Variants in ACAP3 observed in about 807,000 individuals in gnomAD.
ACAP3 encodes arf-GAP with coiled-coil, ANK repeat and PH domain-containing protein 3.
A neutral mutation model predicts 104.1 loss-of-function variants in ACAP3; 56 were observed. The ratio of observed to expected loss-of-function variants is 0.54; its 90% CI spans 0.43 to 0.67. ACAP3 has a LOEUF of 0.67. Among genes scored for constraint, ACAP3 ranks in the 30% least tolerant of loss-of-function variants. The probability of loss-of-function intolerance (pLI) is 0.00; values close to 1 mark genes in which losing one functional copy is unlikely to be tolerated. For synonymous variants in ACAP3, 628 were observed against 496.2 expected (o/e 1.27, Z -3.53); for missense variants, 1,208 against 1,174.9 (o/e 1.03, Z -0.41).
At position 1,300,197 on chromosome 1, in the gene ACAP3, A is replaced by G; in HGVS notation, c.528T>C (p.Asn176=). The change falls in exon 7 of 24, where the codon AAT becomes AAC. Residue 176 remains asparagine, a synonymous_variant. Transcript: ENST00000354700. ...CAAACTTCTTCTTGGCCTGCAGAACATTGATCTGCCAGAGGGGGAGCCCAC... is the reference window on the plus strand; with the variant it reads ...CAAACTTCTTCTTGGCCTGCAGAACGTTGATCTGCCAGAGGGGGAGCCCAC... ...HLALDYVLQI[N]VLQAKKKFEI... The G allele has an allele frequency of 1.2e-6, 2 of 1,608,592 alleles. No homozygotes were observed. The highest frequency in any genetic ancestry group is 2.2e-5 in the South Asian group (2 of 90,564).
rs1641105675 is a variant in ACAP3 at position 1,295,741 on chromosome 1, G to A, written c.1700C>T (p.Ser567Phe). 1 of 1,602,210 alleles carries A rather than the reference G, an allele frequency of 6.2e-7. No homozygotes were observed. The highest frequency in any genetic ancestry group is 8.5e-7 in the Non-Finnish European group (1 of 1,176,632). The stretch of plus-strand genomic sequence containing the variant: ...GCCGGGGCATGGCCTCCCACCTGAG[G>A]ACAGAGCGGCCACACAGGGCAGAAC... ...EPVLPCVAAL[S>F]SVGTLDRKFR... The change falls in exon 18 of 24, where the codon TCC (serine) becomes TTC (phenylalanine). Residue 567 changes from serine to phenylalanine, a missense_variant. Ser to Phe is a radical substitution (Grantham distance 155). Coordinates refer to ENST00000354700, the MANE Select transcript of ACAP3 (RefSeq NM_030649.3).
In ACAP3 at chr1:1,297,826, C is replaced by T. The variant is rs1274494586; in HGVS notation, c.1124G>A (p.Ser375Asn). The change falls in exon 14 of 24, where the codon AGC (serine) becomes AAC (asparagine). Residue 375 changes from serine (S) to asparagine (N), a missense_variant. Coordinates refer to ENST00000354700, the MANE Select transcript of ACAP3 (RefSeq NM_030649.3). ...CAGGGGCACCAAGGGCCACACCTCG[C>T]TATAGCAACTGTCAGGGCTCTCGCG... ...AYRESPDSCY[S>N]ERLDRTASPS... 4.3e-6 allele frequency: 7 copies of T among 1,611,112 alleles called. No individual in the cohort carries two copies. The highest frequency in any genetic ancestry group is 5.9e-6 in the Non-Finnish European group (7 of 1,178,962).
chr1:1,294,343 G>A (rs1206132829), intron 21 of ACAP3, 59 bp downstream of exon 21: 4 of 1,527,950 alleles, frequency 2.6e-6, no homozygotes, highest in African/African-American at 1.4e-5. Context: ...GGGCGCCACA[G>A]AAGATGCAAA....
At chr1:1,307,454 G>C (rs1641785636) in intron 1 of ACAP3, 1 of 1,294,356 alleles carries the variant, frequency 7.7e-7, no homozygotes, top group Non-Finnish European at 1.0e-6. Context: ...GGCCAGAGCT[G>C]GACTGCAGGG....
At chr1:1,304,388 C>A in intron 1 of ACAP3, 1 of 579,322 alleles carries the variant, frequency 1.7e-6, no homozygotes, top group Non-Finnish European at 3.0e-6. Flanking sequence ...GAAGGCTGGA[C>A]CAGCCTCTCC....
At chr1:1,295,617 T>G in intron 18 of ACAP3, 63 bp from the exon 19 acceptor site, 1 of 1,577,534 alleles carries the variant, frequency 6.3e-7, no homozygotes, top group Non-Finnish European at 8.6e-7. Flanking sequence ...GAACCCCAGG[T>G]CACGCCGGGA....
chr1:1,295,477 C>G lies in ACAP3; in HGVS notation c.1783G>C (p.Asp595His), dbSNP rs150351192. Residue 595 changes from aspartate to histidine, a missense_variant, in exon 19 of 24, where the codon GAC becomes CAC. Physicochemically the swap from Asp to His is moderately conservative, Grantham distance 81. Coordinates refer to ENST00000354700, the MANE Select transcript of ACAP3 (RefSeq NM_030649.3). ...DELDSLFSYFDAGAAGAGPRS... is the reference protein window; with the variant it reads ...DELDSLFSYFHAGAAGAGPRS... ...GGGCCAGCCCCTGCGGCCCCTGCGT[C>G]GAAGTAGGAGAAGAGCGAGTCCAGC... 2.5e-6 allele frequency: 4 copies of G among 1,612,578 alleles called. No homozygotes were observed. The highest frequency in any genetic ancestry group is 2.2e-5 in the South Asian group (2 of 91,078).
Position 1,303,921 on chromosome 1 carries a change from C to T in ACAP3, c.105+165G>A. On this transcript the variant is annotated intron_variant, in intron 2 of 23. Coordinates refer to ENST00000354700, the MANE Select transcript of ACAP3 (RefSeq NM_030649.3). This position sits in a 1 kb window ranked among gnomAD's most constrained non-coding sequence, Gnocchi z 4.0. ...CACATGTGTGCATGTGACATGTGCA[C>T]CCTGGAACACACATGCTAAGACACA... is the stretch of plus-strand genomic sequence containing the variant. 1.2e-6 allele frequency: 1 copy of T among 817,566 alleles called. No individual in the cohort carries two copies. The highest frequency in any genetic ancestry group is 1.7e-5 in the South Asian group (1 of 59,536). The allele number at this position is 817,566 out of a possible 1,614,324, so 50.6% of individuals were successfully genotyped here. A position where few individuals can be genotyped will look rare whatever the true frequency, so the allele number is the denominator to read the frequency against.
rs931801045 is a variant in ACAP3 at position 1,303,648 on chromosome 1, C to T, written c.106-367G>A. The T allele has an allele frequency of 2.9e-4, 118 of 408,332 alleles. 1 individual carries two copies. Among genetic ancestry groups the T allele is most frequent in the Admixed American group, 1.2e-3 (27 of 23,264 alleles). The allele number at this position is 408,332 out of a possible 1,614,324, so 25.3% of individuals were successfully genotyped here. On this transcript the variant is annotated intron_variant, in intron 2 of 23. Coordinates refer to ENST00000354700, the MANE Select transcript of ACAP3 (RefSeq NM_030649.3). The surrounding 1 kb of genome is among the most constrained non-coding windows in gnomAD (Gnocchi z 4.0). ...TCAGCCCATGTGGGGCTCATGGACA[C>T]GGCTCCCCTCTCCACGGCCTGTTGC...
intron 1 of ACAP3, among the ~76,000 whole-genome samples, chr1:1,306,814 C>T (rs996261528): frequency 3.3e-5 from 5 of 152,252 alleles, no homozygotes; most frequent in Admixed American, 1.3e-4. Context: ...ATGGAACACG[C>T]GTGTACAAGG....
chr1:1,298,651 T>C lies in ACAP3; in HGVS notation c.779A>G (p.Glu260Gly), dbSNP rs761964402. The part of the protein sequence containing the change: ...QDFSYDESKV[E>G]FDVDAPSGVV... ...CCCACTGGGCGCGTCCACGTCAAAC[T>C]CCACTTTGGACTCATCGTAGGAGAA... Residue 260 changes from glutamate to glycine, a missense_variant, in exon 11 of 24, where the codon GAG becomes GGG. Transcript: ENST00000354700. 10 of 1,611,108 alleles carry C rather than the reference T, an allele frequency of 6.2e-6. No homozygotes were observed. The highest frequency in any genetic ancestry group is 1.3e-5 in the African/African-American group (1 of 74,560).
chr1:1,300,824 T>A, intron 5 of ACAP3, 132 bp from the exon 6 acceptor site: 1 of 878,248 alleles, frequency 1.1e-6, no homozygotes, highest in Non-Finnish European at 1.7e-6. Flanking sequence ...CAGGCTGGAG[T>A]GCAATGGTGC....
chr1:1,299,101 GA>G (rs1641327892), intron 10 of ACAP3: 4 of 586,568 alleles, frequency 6.8e-6, no homozygotes, highest in Non-Finnish European at 9.1e-6. Flanking sequence ...CAGGGAAGCA[GA>G]GGGGAGGGGC....
At position 1,294,130 on chromosome 1, in the gene ACAP3, G is replaced by A. The variant is rs1640996303; in HGVS notation, c.2209C>T (p.Arg737Trp). 2 of 1,591,668 alleles carry A rather than the reference G, an allele frequency of 1.3e-6. No homozygotes were observed. Among genetic ancestry groups the A allele is most frequent in the African/African-American group, 1.3e-5 (1 of 74,498 alleles). Residue 737 changes from arginine (R) to tryptophan (W), a missense_variant, in exon 22 of 24, where the codon CGG becomes TGG. By Grantham distance (101) the Arg-to-Trp change is moderately radical. Coordinates refer to ENST00000354700, the MANE Select transcript of ACAP3 (RefSeq NM_030649.3). ...ADVNQRDSRGRAPLHHATLLG... is the reference protein window; with the variant it reads ...ADVNQRDSRGWAPLHHATLLG... ...AGCGTGGCGTGGTGCAGGGGCGCCC[G>A]GCCCCGGCTGTCTCTTTGGTTCACG... is the stretch of plus-strand genomic sequence containing the variant.
In ACAP3 at chr1:1,296,114, C is replaced by A; in HGVS notation, c.1408-5G>T. On this transcript the variant is annotated splice_polypyrimidine_tract_variant and splice_region_variant and intron_variant, in intron 16 of 23. Coordinates refer to ENST00000354700, the MANE Select transcript of ACAP3 (RefSeq NM_030649.3). ...GTTTCCAAGCTCACACATCAGCTAG[C>A]GGGAGACAGGGCGAGCAGGCATCAG... 6.2e-7 allele frequency: 1 copy of A among 1,612,692 alleles called. No individual in the cohort carries two copies. Among genetic ancestry groups the A allele is most frequent in the South Asian group, 1.1e-5 (1 of 91,064 alleles).
At chr1:1,298,713 C>T (rs749666739) in intron 10 of ACAP3, 34 bp from the exon 11 acceptor site, 17 of 1,500,130 alleles carry the variant, frequency 1.1e-5, no homozygotes, top group Non-Finnish European at 7.4e-6. Context: ...TCAGTGCCCA[C>T]CCCAGGGGCC....
chr1:1,299,348 C>A lies in ACAP3; in HGVS notation c.747G>T (p.Leu249=), dbSNP rs562214243. 5.7e-6 allele frequency: 9 copies of A among 1,584,162 alleles called. No homozygotes were observed. The highest frequency in any genetic ancestry group is 4.6e-5 in the East Asian group (2 of 43,834). Residue 249 remains leucine (L), a synonymous_variant, in exon 10 of 24, where the codon CTG becomes CTT. Coordinates refer to ENST00000354700, the MANE Select transcript of ACAP3 (RefSeq NM_030649.3). ...CCCAGGGCCCGTGCTCACTTACCTGCAGCAGCGTCTGGAGGGCCGGAGCAG... is the reference window on the plus strand; with the variant it reads ...CCCAGGGCCCGTGCTCACTTACCTGAAGCAGCGTCTGGAGGGCCGGAGCAG... The part of the protein sequence containing the change: ...KHAAIQQRTL[L]QDFSYDESKV...
intron 19 of ACAP3, 141 bp from the exon 20 acceptor site, chr1:1,294,957 G>A (rs1367237315): frequency 4.0e-6 from 3 of 741,626 alleles, no homozygotes; most frequent in Non-Finnish European, 4.4e-6. Context: ...GCCGGGGGGA[G>A]CCAGCTGCAG....
intron 1 of ACAP3, chr1:1,305,443 CT>C (rs1284264935): frequency 2.0e-5 from 3 of 152,458 alleles, no homozygotes; most frequent in African/African-American, 7.2e-5. Flanking sequence ...GCAGCCACCC[CT>C]GAGCAGGGCC....
Sources: gnomAD v4.1 joint callset for allele counts (sites outside exome capture counted in the v4.1 genomes callset) on GRCh38, gnomAD v4.1.1 for gene constraint, Gnocchi (gnomAD v3.1) non-coding constraint, MANE v1.5 for transcripts, NCBI Gene and HGNC (gene_info 2026-07-23, HGNC 2026-07-21) for gene names.